The following PPARGC1A variants were observed in gnomAD, a reference collection of about 807,000 sequenced individuals.
PPARGC1A encodes the protein peroxisome proliferator-activated receptor gamma coactivator 1-alpha.
A neutral mutation model predicts 88.7 loss-of-function variants in PPARGC1A; 25 were observed. The observed-to-expected ratio is 0.28, with a 90% CI of 0.21 to 0.39. The LOEUF (loss-of-function observed/expected upper bound fraction) is 0.39. Ranked by LOEUF, PPARGC1A falls within the 10% of genes least tolerant of loss-of-function variation. PPARGC1A has a pLI of 1.00. For synonymous variants in PPARGC1A, 363 were observed against 355.6 expected (o/e 1.02, Z -0.24); for missense variants, 880 against 968.7 (o/e 0.91, Z 1.22).
At chr4:24,141,663 G>A in the PPARGC1A span, among the ~76,000 whole-genome samples, 5 of 152,278 alleles carry the variant, frequency 3.3e-5, no homozygotes, top group East Asian at 5.8e-4. Flanking sequence ...TCGAGGCATC[G>A]AAAATTCAAA....
the PPARGC1A span, among the ~76,000 whole-genome samples, chr4:24,386,350 C>T: frequency 1.6e-3 from 250 of 152,278 alleles, no homozygotes; most frequent in African/African-American, 5.8e-3. Context: ...GATGCCCTCT[C>T]TCACCACTCT....
the PPARGC1A span, among the ~76,000 whole-genome samples, chr4:24,066,849 G>GT: frequency 0.38 from 36,250 of 95,522 alleles, 7,365 homozygotes; most frequent in Non-Finnish European, 0.45. Flanking sequence ...TTTGTTTTGG[G>GT]TTTTTTTTTT....
intron 2 of PPARGC1A, among the ~76,000 whole-genome samples, chr4:23,867,526 C>T (rs1712280804): frequency 1.3e-5 from 2 of 152,180 alleles, no homozygotes; most frequent in Non-Finnish European, 1.5e-5. Flanking sequence ...AGATAACTCA[C>T]CAGCTTTTGC....
the PPARGC1A span, among the ~76,000 whole-genome samples, chr4:24,088,091 G>A: frequency 6.6e-6 from 1 of 152,200 alleles, no homozygotes; most frequent in Non-Finnish European, 1.5e-5. Context: ...GTTCACACCT[G>A]TAATCCCAGC....
the PPARGC1A span, among the ~76,000 whole-genome samples, chr4:24,278,880 T>A: frequency 6.6e-6 from 1 of 152,156 alleles, no homozygotes; most frequent in Non-Finnish European, 1.5e-5. Context: ...ACAGAAAGCA[T>A]CCACATCAAC....
chr4:23,998,198 A>G, the PPARGC1A span, among the ~76,000 whole-genome samples: 2 of 152,238 alleles, frequency 1.3e-5, no homozygotes, highest in African/African-American at 2.4e-5. Context: ...AAGCATGATA[A>G]TTTGTATACA....
the PPARGC1A span, among the ~76,000 whole-genome samples, chr4:24,223,713 T>A: frequency 6.6e-6 from 1 of 152,164 alleles, no homozygotes; most frequent in Non-Finnish European, 1.5e-5. Context: ...TGCAATAGTA[T>A]GCCATCATTA....
the PPARGC1A span, among the ~76,000 whole-genome samples, chr4:23,990,441 C>G: frequency 6.6e-6 from 1 of 151,884 alleles, no homozygotes; most frequent in Non-Finnish European, 1.5e-5. Flanking sequence ...AACTAAGGCA[C>G]ATTAGGATAG....
chr4:24,008,779 A>C, the PPARGC1A span, among the ~76,000 whole-genome samples: 1 of 152,144 alleles, frequency 6.6e-6, no homozygotes, highest in African/African-American at 2.4e-5. Flanking sequence ...GGAAAAGCAC[A>C]GTTCCCTGTT....
At chr4:24,406,080 T>C in the PPARGC1A span, among the ~76,000 whole-genome samples, 1 of 152,146 alleles carries the variant, frequency 6.6e-6, no homozygotes, top group East Asian at 1.9e-4. Flanking sequence ...TCTTTGTCCA[T>C]GGGAAAGGCA....
At chr4:24,424,788 A>T in the PPARGC1A span, among the ~76,000 whole-genome samples, 1 of 152,226 alleles carries the variant, frequency 6.6e-6, no homozygotes, top group East Asian at 1.9e-4. Context: ...AAAAATCTAT[A>T]TAATGTGTGC....
At chr4:23,963,199 C>A in the PPARGC1A span, among the ~76,000 whole-genome samples, 16 of 152,110 alleles carry the variant, frequency 1.1e-4, no homozygotes, top group Non-Finnish European at 2.1e-4. Flanking sequence ...CCTAGAAGAT[C>A]TTTTATGATT....
the PPARGC1A span, among the ~76,000 whole-genome samples, chr4:23,947,924 C>A: frequency 6.6e-6 from 1 of 152,104 alleles, no homozygotes; most frequent in African/African-American, 2.4e-5. Flanking sequence ...CAGCAGGAAC[C>A]GTGGAACCAA....
chr4:24,400,270 C>G, the PPARGC1A span, among the ~76,000 whole-genome samples: 8 of 152,282 alleles, frequency 5.3e-5, no homozygotes, highest in South Asian at 1.7e-3. Flanking sequence ...CTGGGGAAGG[C>G]AGACCCACCC....
the PPARGC1A span, among the ~76,000 whole-genome samples, chr4:24,002,774 G>A: frequency 1.3e-5 from 2 of 152,078 alleles, no homozygotes; most frequent in African/African-American, 4.8e-5. Flanking sequence ...AAATGCCACT[G>A]TTTCACTGTT....
the PPARGC1A span, among the ~76,000 whole-genome samples, chr4:24,446,232 G>C: frequency 1.3e-5 from 2 of 152,152 alleles, no homozygotes; most frequent in Non-Finnish European, 2.9e-5. Flanking sequence ...ACCAACAGCT[G>C]TCTGTTATAT....
At chr4:23,827,775 T>C (rs922032283) in intron 5 of PPARGC1A, among the ~76,000 whole-genome samples, 2 of 151,578 alleles carry the variant, frequency 1.3e-5, no homozygotes, top group African/African-American at 4.9e-5. Flanking sequence ...ATTTACAGAA[T>C]AAAATCTGTG....
chr4:24,034,844 G>A, the PPARGC1A span, among the ~76,000 whole-genome samples: 2 of 152,212 alleles, frequency 1.3e-5, no homozygotes, highest in Non-Finnish European at 1.5e-5. Context: ...AGAAACCAAA[G>A]TGGCACATAC....
At chr4:24,052,087 C>T in the PPARGC1A span, among the ~76,000 whole-genome samples, 2 of 152,168 alleles carry the variant, frequency 1.3e-5, no homozygotes, top group South Asian at 2.1e-4. Flanking sequence ...GAATATTGGA[C>T]GTATTTGGAG....
Sources: gnomAD v4.1 joint callset for allele counts (sites outside exome capture counted in the v4.1 genomes callset) on GRCh38, gnomAD v4.1.1 for gene constraint, MANE v1.5 for transcripts, NCBI Gene and HGNC (gene_info 2026-07-23, HGNC 2026-07-21) for gene names.